Variants in MYCBP2 observed in about 807,000 individuals in gnomAD.
MYCBP2 encodes MYC binding protein 2.
In MYCBP2, 120 loss-of-function variants were observed where a neutral mutation model predicts 525.3. That is an observed-to-expected ratio of 0.23 (90% CI 0.20 to 0.27). The LOEUF is 0.27. Ranked by LOEUF, MYCBP2 falls within the 10% of genes least tolerant of loss-of-function variation. The probability of loss-of-function intolerance (pLI) is 1.00; values close to 1 mark genes in which losing one functional copy is unlikely to be tolerated. For missense variants in MYCBP2, 4,149 were observed against 5,657.1 expected, an observed-to-expected ratio of 0.73 and a Z score of 8.55; for synonymous variants, 1,894 against 1,955.8, an observed-to-expected ratio of 0.97 and a Z score of 0.83.
rs61753812 is a variant in MYCBP2, at chr13:77,098,116, G to T, written c.9038C>A (p.Ser3013Tyr). The T allele has an allele frequency of 1.4e-5, 22 of 1,613,436 alleles. No individual in the cohort carries two copies. Among genetic ancestry groups the T allele is most frequent in the Non-Finnish European group, 1.9e-5 (22 of 1,179,770 alleles). Residue 3013 changes from serine (S) to tyrosine (Y), a missense_variant, in exon 56 of 83, where the codon TCC becomes TAC. Physicochemically the swap from Ser to Tyr is moderately radical, Grantham distance 144. Coordinates refer to ENST00000544440, the MANE Select transcript of MYCBP2 (RefSeq NM_015057.5). ...KSSFLFKGDG[S>Y]KPLEPAKQAM... is the part of the protein sequence containing the mutation. ...TTGCTTGGCTGGCTCTAAAGGCTTGGATCCATCTCCTTTGAAAAGAAAACT... is the reference window on the plus strand; with the variant it reads ...TTGCTTGGCTGGCTCTAAAGGCTTGTATCCATCTCCTTTGAAAAGAAAACT...
At chr13:77,046,310 C>A (rs2035552916) in intron 82 of MYCBP2, among the ~76,000 whole-genome samples, 1 of 152,188 alleles carries the variant, frequency 6.6e-6, no homozygotes, top group Non-Finnish European at 1.5e-5. Flanking sequence ...AAAGCAGAGT[C>A]CCTATTTAAT....
At chr13:77,105,796 G>A (rs1012146613) in intron 55 of MYCBP2, among the ~76,000 whole-genome samples, 30 of 152,154 alleles carry the variant, frequency 2.0e-4, no homozygotes, top group Admixed American at 5.2e-4. Context: ...AAAGAATCAG[G>A]ATTTTTCTCC....
At chr13:77,263,883 A>C (rs745815014) in intron 9 of MYCBP2, 46 bp downstream of exon 9, 2 of 1,606,050 alleles carry the variant, frequency 1.2e-6, no homozygotes, top group African/African-American at 2.7e-5. Flanking sequence ...AATTTAAGGA[A>C]AAGGAATTCC....
intron 27 of MYCBP2, 137 bp from the exon 28 acceptor site, chr13:77,191,950 A>C: frequency 1.2e-6 from 1 of 811,648 alleles, no homozygotes; most frequent in South Asian, 1.9e-5. Flanking sequence ...CATTAAAAAC[A>C]CTCTAAGAAG....
At position 77,326,786 on chromosome 13, in the gene MYCBP2, G is replaced by T; in HGVS notation, c.-11C>A. On this transcript the variant is annotated 5_prime_UTR_variant, in exon 1 of 83. Transcript: ENST00000544440. The surrounding 1 kb of genome is among the most constrained non-coding windows in gnomAD (Gnocchi z 4.2). ...TGCGCACATCATCATCCTCGCCGCC[G>T]CCGCCGCCGCCGCCGCCTCGTCCCC... is the stretch of plus-strand genomic sequence containing the variant. The T allele has an allele frequency of 7.2e-7, 1 of 1,396,876 alleles. No homozygotes were observed. Among genetic ancestry groups the T allele is most frequent in the South Asian group, 1.6e-5 (1 of 62,486 alleles). The allele number at this position is 1,396,876 out of a possible 1,614,324, so 86.5% of individuals were successfully genotyped here. A position where few individuals can be genotyped will look rare whatever the true frequency, so the allele number is the denominator to read the frequency against.
intron 8 of MYCBP2, among the ~76,000 whole-genome samples, chr13:77,266,504 A>C (rs2074098026): frequency 6.6e-6 from 1 of 152,120 alleles, no homozygotes; most frequent in African/African-American, 2.4e-5. Flanking sequence ...ATATACACAA[A>C]GGAAAAATAC....
At chr13:77,240,113 A>C (rs1169758863) in intron 17 of MYCBP2, among the ~76,000 whole-genome samples, 1 of 152,196 alleles carries the variant, frequency 6.6e-6, no homozygotes, top group Non-Finnish European at 1.5e-5. Flanking sequence ...TCTTATAAAA[A>C]TTTGTTTTTA....
At chr13:77,053,380 T>C (rs1031982122) in intron 80 of MYCBP2, among the ~76,000 whole-genome samples, 2 of 152,202 alleles carry the variant, frequency 1.3e-5, no homozygotes, top group South Asian at 2.1e-4. Flanking sequence ...GATTGTCTCA[T>C]AGTCAAAAAG....
intron 31 of MYCBP2, 54 bp downstream of exon 31, chr13:77,185,817 C>T: frequency 7.8e-7 from 1 of 1,281,406 alleles, no homozygotes; most frequent in East Asian, 2.5e-5. Context: ...AGTAAATCTT[C>T]TCAATGTCTC....
chr13:77,096,511 A>G, intron 56 of MYCBP2, 30 bp from the exon 57 acceptor site: 1 of 1,611,022 alleles, frequency 6.2e-7, no homozygotes, highest in East Asian at 2.2e-5. Flanking sequence ...TAAATATTTA[A>G]CACTCCAAGT....
Position 77,177,766 on chromosome 13 carries a change from T to G in MYCBP2, c.5322A>C (p.Leu1774Phe). 2 of 1,612,772 alleles carry G rather than the reference T, an allele frequency of 1.2e-6. No homozygotes were observed. Among genetic ancestry groups the G allele is most frequent in the Non-Finnish European group, 1.7e-6 (2 of 1,178,778 alleles). ...TACTTACATCATCAACCAACACCTC[T>G]AATTCATATTCATGAATTCCACCTC... is the stretch of plus-strand genomic sequence containing the variant. ...YGGGGIHEYE[L>F]EVLVDDSEHA... Residue 1774 changes from leucine (L) to phenylalanine (F), a missense_variant, in exon 35 of 83, where the codon TTA (leucine) becomes TTC (phenylalanine). Physicochemically the swap from Leu to Phe is conservative, Grantham distance 22. This residue lies in a region of MYCBP2 where 109 missense variants were observed against 118.9 expected (regional missense o/e 0.92). Coordinates refer to ENST00000544440, the MANE Select transcript of MYCBP2 (RefSeq NM_015057.5).
At chr13:77,159,399 A>G (rs952492740) in intron 44 of MYCBP2, among the ~76,000 whole-genome samples, 7 of 152,102 alleles carry the variant, frequency 4.6e-5, no homozygotes, top group African/African-American at 1.7e-4. Flanking sequence ...TTTTTCTTGA[A>G]CAATAACATA....
chr13:77,046,925 C>G (rs687532), intron 82 of MYCBP2, among the ~76,000 whole-genome samples: 127,428 of 152,160 alleles, frequency 0.84, 53,650 homozygotes, highest in African/African-American at 0.89. Context: ...GGGGAGAGTG[C>G]GCAGGATGGG....
rs926594163 is a variant in MYCBP2, at chr13:77,173,621, A to G, written c.5651+690T>C. Among the ~76,000 whole-genome samples, 3 of 152,350 alleles carry G rather than the reference A, an allele frequency of 2.0e-5. No individual in the cohort carries two copies. The South Asian group carries it at 6.2e-4, about 32-fold the overall frequency. On this transcript the variant is annotated intron_variant, in intron 37 of 82. Transcript: ENST00000544440. ...AAGAGAGGAAGCAGCAAGCCTCTGAAAGTGACATGGAAATTCAGTGATTTA... is the reference window on the plus strand; with the variant it reads ...AAGAGAGGAAGCAGCAAGCCTCTGAGAGTGACATGGAAATTCAGTGATTTA...
intron 37 of MYCBP2, among the ~76,000 whole-genome samples, chr13:77,172,536 G>T (rs2059245595): frequency 6.6e-6 from 1 of 152,200 alleles, no homozygotes; most frequent in African/African-American, 2.4e-5. Flanking sequence ...AAAGGAGGGA[G>T]ACTAGTTTAG....
At chr13:77,225,404 C>G in intron 19 of MYCBP2, 31 bp downstream of exon 19, 1 of 1,612,064 alleles carries the variant, frequency 6.2e-7, no homozygotes, top group Non-Finnish European at 8.5e-7. Flanking sequence ...ATTGTAAAAA[C>G]GCAGTTATAC....
At chr13:77,111,946 A>G (rs1003859124) in intron 55 of MYCBP2, among the ~76,000 whole-genome samples, 7 of 152,176 alleles carry the variant, frequency 4.6e-5, no homozygotes, top group Non-Finnish European at 8.8e-5. Flanking sequence ...CTAGTCTAAG[A>G]CACTGACACT....
chr13:77,206,663 C>T lies in MYCBP2; in HGVS notation c.3579G>A (p.Leu1193=), dbSNP rs1249208259. 6.9e-6 allele frequency: 11 copies of T among 1,593,272 alleles called. No individual in the cohort carries two copies. The highest frequency in any genetic ancestry group is 1.3e-5 in the African/African-American group (1 of 74,378). The change falls in exon 24 of 83, where the codon TTG becomes TTA. Residue 1193 remains leucine, a synonymous_variant. Coordinates refer to ENST00000544440, the MANE Select transcript of MYCBP2 (RefSeq NM_015057.5). Reference sequence around the variant, plus strand: ...AAATCGCAACCCTACCTAAAATGTGCAAAGCTGCATGAGATCGGGTAGTGA... The same window carrying T: ...AAATCGCAACCCTACCTAAAATGTGTAAAGCTGCATGAGATCGGGTAGTGA... ...RALTTRSHAA[L]HILGCLDTLA...
chr13:77,175,994 A>C (rs2059663524), intron 36 of MYCBP2, among the ~76,000 whole-genome samples: 1 of 141,982 alleles, frequency 7.0e-6, no homozygotes, highest in Non-Finnish European at 1.5e-5. Context: ...AAAATAAAGA[A>C]ACAAAACAAA....
Sources: allele counts gnomAD v4.1 joint callset (sites outside exome capture counted in the v4.1 genomes callset), GRCh38; gene constraint gnomAD v4.1.1; regional missense constraint gnomAD v4.1.1; non-coding constraint Gnocchi (gnomAD v3.1); transcripts MANE v1.5; gene names NCBI Gene and HGNC (gene_info 2026-07-23, HGNC 2026-07-21).